The following EPS15L1 variants were observed in gnomAD, a reference collection of about 807,000 sequenced individuals.
The protein encoded by EPS15L1 is epidermal growth factor receptor substrate 15-like 1.
In EPS15L1, 43 loss-of-function variants were observed where a neutral mutation model predicts 117.1. That is an observed-to-expected ratio of 0.37 (90% CI 0.29 to 0.47). The LOEUF (loss-of-function observed/expected upper bound fraction) is 0.47, where lower values mean the gene tolerates loss of function less well. EPS15L1 is among the 20% of genes least tolerant of loss of function. The pLI, the probability that EPS15L1 is intolerant of heterozygous loss-of-function variation, is 0.99. For synonymous variants in EPS15L1, 459 were observed against 470.5 expected (o/e 0.98, Z 0.32); for missense variants, 981 against 1,164.0 (o/e 0.84, Z 2.29).
At chr19:16,385,646 G>A (rs1024456367) in intron 20 of EPS15L1, among the ~76,000 whole-genome samples, 3 of 152,126 alleles carry the variant, frequency 2.0e-5, no homozygotes, top group Admixed American at 6.6e-5. Flanking sequence ...GGATACACTC[G>A]CCTATGATAC....
chr19:16,464,818 T>G (rs2093286300), intron 1 of EPS15L1, among the ~76,000 whole-genome samples: 1 of 152,160 alleles, frequency 6.6e-6, no homozygotes, highest in Non-Finnish European at 1.5e-5. Context: ...GCATGGTGGC[T>G]CACGCCTGTA....
At chr19:16,464,016 G>A (rs756797597) in intron 1 of EPS15L1, among the ~76,000 whole-genome samples, 3 of 152,250 alleles carry the variant, frequency 2.0e-5, no homozygotes, top group Admixed American at 1.3e-4. Flanking sequence ...GCAGGCCTGG[G>A]AAACACGGGG....
chr19:16,362,511 C>CTTTTTTT (rs71178690), intron 22 of EPS15L1, among the ~76,000 whole-genome samples: 1 of 56,068 alleles, frequency 1.8e-5, no homozygotes, highest in Non-Finnish European at 3.7e-5. Flanking sequence ...GGTTTAAGTT[C>CTTTTTTT]TTTTTTTTTT....
At chr19:16,451,872 T>C (rs1762479665) in intron 1 of EPS15L1, among the ~76,000 whole-genome samples, 1 of 145,196 alleles carries the variant, frequency 6.9e-6, no homozygotes, top group Admixed American at 6.8e-5. Flanking sequence ...GCACGGTGGC[T>C]CACACCTGTA....
At chr19:16,439,632 AGTAAGCAGTG>A (rs1301099361) in intron 4 of EPS15L1, among the ~76,000 whole-genome samples, 1 of 152,212 alleles carries the variant, frequency 6.6e-6, no homozygotes, top group Non-Finnish European at 1.5e-5. Context: ...TCGAGGCTGC[AGTAAGCAGTG>A]ATCGCACCAC....
intron 19 of EPS15L1, among the ~76,000 whole-genome samples, chr19:16,390,515 T>C (rs530648037): frequency 9.2e-5 from 14 of 152,280 alleles, no homozygotes; most frequent in African/African-American, 3.4e-4. Flanking sequence ...CTCACTGCCA[T>C]TTGTAGAGCA....
intron 23 of EPS15L1, among the ~76,000 whole-genome samples, chr19:16,361,327 G>T (rs2092047750): frequency 6.6e-6 from 1 of 151,932 alleles, no homozygotes; most frequent in Non-Finnish European, 1.5e-5. Flanking sequence ...TTGCACTTGT[G>T]GCACAAAATG....
At chr19:16,377,000 T>C (rs1486519479) in intron 22 of EPS15L1, 122 bp downstream of exon 22, 2 of 1,294,418 alleles carry the variant, frequency 1.5e-6, no homozygotes, top group Non-Finnish European at 2.1e-6. Context: ...GGGGACCCTC[T>C]TGCTCCCCAC....
intron 18 of EPS15L1, 36 bp from the exon 19 acceptor site, chr19:16,392,476 C>A: frequency 3.1e-6 from 5 of 1,592,648 alleles, no homozygotes; most frequent in Non-Finnish European, 3.4e-6. Flanking sequence ...AAACATTATA[C>A]CAAGTGAAAG....
intron 8 of EPS15L1, 65 bp from the exon 9 acceptor site, chr19:16,425,381 CAGAGGGCAG>C (rs1195689804): frequency 1.7e-6 from 2 of 1,153,378 alleles, no homozygotes; most frequent in Non-Finnish European, 2.5e-6. Context: ...CAGGAGAAGG[CAGAGGGCAG>C]CCCTTTGGGG....
intron 12 of EPS15L1, among the ~76,000 whole-genome samples, chr19:16,416,373 C>T (rs1409483981): frequency 6.6e-6 from 1 of 152,164 alleles, no homozygotes; most frequent in African/African-American, 2.4e-5. Context: ...CAGTGGCTCA[C>T]GCCTGTAATC....
At chr19:16,413,149 G>T (rs569935057) in intron 13 of EPS15L1, 1 of 663,272 alleles carries the variant, frequency 1.5e-6, no homozygotes, top group East Asian at 3.0e-5. Context: ...ACTGCCATCC[G>T]CAGGGCCATC....
intron 19 of EPS15L1, among the ~76,000 whole-genome samples, chr19:16,388,779 A>G (rs915294834): frequency 2.0e-5 from 3 of 152,120 alleles, no homozygotes; most frequent in Admixed American, 6.6e-5. Flanking sequence ...GTGAGCTGAG[A>G]TCACGCCACT....
chr19:16,373,901 C>T (rs928897334), intron 22 of EPS15L1, among the ~76,000 whole-genome samples: 39 of 152,342 alleles, frequency 2.6e-4, no homozygotes, highest in Admixed American at 1.6e-3. Context: ...AACCACCACA[C>T]GGTCTGTACC....
At chr19:16,449,330 A>G (rs951376668) in intron 1 of EPS15L1, among the ~76,000 whole-genome samples, 17 of 152,212 alleles carry the variant, frequency 1.1e-4, no homozygotes, top group African/African-American at 3.9e-4. Flanking sequence ...GCAAAAAGAC[A>G]TTTTACCAAA....
chr19:16,470,505 GC>G (rs1364495984), intron 1 of EPS15L1, among the ~76,000 whole-genome samples: 4 of 99,024 alleles, frequency 4.0e-5, no homozygotes, highest in African/African-American at 1.7e-4. Context: ...CGCCTTCCCC[GC>G]CCCCCACCCC....
intron 21 of EPS15L1, among the ~76,000 whole-genome samples, chr19:16,380,116 G>A (rs531839906): frequency 5.3e-5 from 8 of 150,460 alleles, no homozygotes; most frequent in South Asian, 4.2e-4. Flanking sequence ...AGATGCGGCC[G>A]TCTAAGGCTC....
intron 7 of EPS15L1, among the ~76,000 whole-genome samples, chr19:16,429,435 T>C (rs1383016981): frequency 6.6e-6 from 1 of 152,214 alleles, no homozygotes; most frequent in East Asian, 1.9e-4. Context: ...CAGATGCCCG[T>C]GGCTCTATCC....
In EPS15L1 at chr19:16,471,885, G is replaced by T; in HGVS notation, c.33+28C>A. The T allele has an allele frequency of 1.6e-6, 2 of 1,286,656 alleles. No homozygotes were observed. The highest frequency in any genetic ancestry group is 2.0e-6 in the Non-Finnish European group (2 of 1,008,682). 79.7% of individuals were successfully genotyped at this position (1,286,656 alleles called of 1,614,324 possible). ...CTCGCCTCGCGCCCCGCACCCCGGCGCCGCCCCCAGGCCCGCCCGGCCCGT... is the reference window on the plus strand; with the variant it reads ...CTCGCCTCGCGCCCCGCACCCCGGCTCCGCCCCCAGGCCCGCCCGGCCCGT... On this transcript the variant is annotated intron_variant, in intron 1 of 23. Transcript: ENST00000455140. The surrounding 1 kb of genome is among the most constrained non-coding windows in gnomAD (Gnocchi z 4.8).
Sources: gnomAD v4.1 joint callset for allele counts (sites outside exome capture counted in the v4.1 genomes callset) on GRCh38, gnomAD v4.1.1 for gene constraint, Gnocchi (gnomAD v3.1) non-coding constraint, MANE v1.5 for transcripts, NCBI Gene and HGNC (gene_info 2026-07-23, HGNC 2026-07-21) for gene names.